Variants in RIF1 observed in about 807,000 individuals in gnomAD.
RIF1 encodes replication timing regulatory factor 1, also known as telomere-associated protein RIF1.
A neutral mutation model predicts 247.1 loss-of-function variants in RIF1; 45 were observed. The ratio of observed to expected loss-of-function variants is 0.18; its 90% confidence interval spans 0.14 to 0.23. RIF1 has a LOEUF of 0.23. Ranked by LOEUF, RIF1 falls within the 10% of genes least tolerant of loss-of-function variation. RIF1 has a pLI of 1.00. For missense variants in RIF1, 2,967 were observed against 2,862.5 expected (o/e 1.04, Z -0.83); for synonymous variants, 1,087 against 978.8 (o/e 1.11, Z -2.06).
intron 11 of RIF1, 84 bp from the exon 12 acceptor site, chr2:151,436,743 T>G: frequency 1.0e-6 from 1 of 993,920 alleles, no homozygotes; most frequent in Non-Finnish European, 1.4e-6. Context: ...TTTTAAAAGT[T>G]TCATTGAAAT....
In RIF1 at chr2:151,440,746, A is replaced by C. The variant is rs201018199; in HGVS notation, c.1647+619A>C. On this transcript the variant is annotated intron_variant, in intron 15 of 35. Coordinates refer to ENST00000444746, the MANE Select transcript of RIF1 (RefSeq NM_018151.5). Reference sequence around the variant, plus strand: ...TACTAGGTTGAATACCAGCCTAACTATTCATTAGCTGAGTAAATTTGTGCA... The same window carrying C: ...TACTAGGTTGAATACCAGCCTAACTCTTCATTAGCTGAGTAAATTTGTGCA... Among the ~76,000 whole-genome samples, 21 of 152,314 alleles carry C rather than the reference A, an allele frequency of 1.4e-4. No individual in the cohort carries two copies. In the East Asian group the frequency reaches 4.0e-3, roughly 29 times the overall value.
intron 12 of RIF1, chr2:151,505,632 A>T (rs2068194495): frequency 7.5e-7 from 1 of 1,340,002 alleles, no homozygotes; most frequent in Non-Finnish European, 1.1e-6. Context: ...ATTCTTCCCA[A>T]CATGTACATG....
chr2:151,524,322 G>C, the RIF1 span: 1 of 1,613,768 alleles, frequency 6.2e-7, no homozygotes. Flanking sequence ...TGGCTGCTCA[G>C]CTTGGCTGCC....
At chr2:151,433,832 C>T (rs1690635744) in intron 10 of RIF1, among the ~76,000 whole-genome samples, 2 of 152,018 alleles carry the variant, frequency 1.3e-5, no homozygotes, top group South Asian at 4.1e-4. Flanking sequence ...AGGGTTTTTT[C>T]CCCTAGAGCA....
In RIF1 at chr2:151,476,063, A is replaced by G. The variant is rs565025660; in HGVS notation, c.*992A>G. The G allele has an allele frequency of 2.0e-5, 3 of 152,358 alleles. No individual in the cohort carries two copies. The highest frequency in any genetic ancestry group is 7.2e-5 in the African/African-American group (3 of 41,580). 9.4% of individuals were successfully genotyped at this position (152,358 alleles called of 1,614,324 possible). ...ATCCAGAATAAGTAAAATTATAGAA[A>G]TAAGAAAATGTTACACAACTTTGCT... is the stretch of plus-strand genomic sequence containing the variant. On this transcript the variant is annotated 3_prime_UTR_variant, in exon 36 of 36. Coordinates refer to ENST00000444746, the MANE Select transcript of RIF1 (RefSeq NM_018151.5).
At chr2:151,449,844 C>CTTTTTTTTTT (rs11405455) in intron 20 of RIF1, among the ~76,000 whole-genome samples, 1 of 137,162 alleles carries the variant, frequency 7.3e-6, no homozygotes, top group Non-Finnish European at 1.6e-5. Context: ...ACTTTGATGC[C>CTTTTTTTTTT]TTTTTTTTTT....
chr2:151,457,026 G>A (rs183821959), intron 23 of RIF1, among the ~76,000 whole-genome samples: 3 of 151,938 alleles, frequency 2.0e-5, no homozygotes, highest in Non-Finnish European at 2.9e-5. Context: ...GAGCCAACAC[G>A]CTTGTCCTGT....
chr2:151,421,643 C>G (rs1489959324), intron 7 of RIF1, among the ~76,000 whole-genome samples: 1 of 151,802 alleles, frequency 6.6e-6, no homozygotes, highest in African/African-American at 2.4e-5. Context: ...CTCCTGGGCT[C>G]AAGCAATCCT....
In RIF1 at chr2:151,409,968, C is replaced by T. The variant is rs1465140722; in HGVS notation, c.-76C>T. On this transcript the variant is annotated 5_prime_UTR_variant, in exon 1 of 36. Coordinates refer to ENST00000444746, the MANE Select transcript of RIF1 (RefSeq NM_018151.5). Reference sequence around the variant, plus strand: ...AGTAAACAGCCGGAGCTGGGAAAGTCGAGCTCTGGCAGCGTCTGGGTGCTG... The same window carrying T: ...AGTAAACAGCCGGAGCTGGGAAAGTTGAGCTCTGGCAGCGTCTGGGTGCTG... 3 of 701,898 alleles carry T rather than the reference C, an allele frequency of 4.3e-6. No individual in the cohort carries two copies. Among genetic ancestry groups the T allele is most frequent in the Admixed American group, 4.0e-5 (2 of 49,974 alleles). 43.5% of individuals were successfully genotyped at this position (701,898 alleles called of 1,614,324 possible).
chr2:151,469,666 A>G, intron 33 of RIF1, 45 bp from the exon 34 acceptor site: 1 of 1,371,788 alleles, frequency 7.3e-7, no homozygotes, highest in South Asian at 1.7e-5. Flanking sequence ...AATAGCATAT[A>G]AATAAAACTA....
intron 10 of RIF1, chr2:151,495,335 T>A (rs1298810654): frequency 2.0e-5 from 3 of 152,222 alleles, no homozygotes; most frequent in Non-Finnish European, 4.4e-5. Flanking sequence ...AGGTCAGTAA[T>A]GAGAACTTGT....
rs993190776 is a variant in RIF1, at chr2:151,414,874, C to G, written c.235C>G (p.Leu79Val). Residue 79 changes from leucine to valine, a missense_variant, in exon 4 of 36, where the codon CTG becomes GTG. Coordinates refer to ENST00000444746, the MANE Select transcript of RIF1 (RefSeq NM_018151.5). ...GCTGAGTAGTGCTGCTCTACAAGCC[C>G]TGGGGTTTTGCTTATATAATCCCAA... ...SELSSAALQA[L>V]GFCLYNPKIT... The G allele has an allele frequency of 6.2e-7, 1 of 1,613,306 alleles. No homozygotes were observed. Among genetic ancestry groups the G allele is most frequent in the Non-Finnish European group, 8.5e-7 (1 of 1,179,756 alleles).
chr2:151,436,722 TTAAA>T (rs1428024752), intron 11 of RIF1, 101 bp from the exon 12 acceptor site: 1 of 848,858 alleles, frequency 1.2e-6, no homozygotes, highest in Non-Finnish European at 1.8e-6. Flanking sequence ...CCTGAGACAT[TTAAA>T]CTCTGTTTTT....
At chr2:151,529,557 TTCTC>T in the RIF1 span, among the ~76,000 whole-genome samples, 26 of 151,128 alleles carry the variant, frequency 1.7e-4, no homozygotes, top group Middle Eastern at 3.4e-3. Context: ...TTTTAACAGA[TTCTC>T]TCTCTGTCAC....
chr2:151,419,017 A>G (rs888744829), intron 6 of RIF1, among the ~76,000 whole-genome samples: 1 of 146,508 alleles, frequency 6.8e-6, no homozygotes, highest in Non-Finnish European at 1.5e-5. Context: ...TTGGTTAGCA[A>G]CATAACACAT....
At chr2:151,458,685 C>A in intron 24 of RIF1, 126 bp from the exon 25 acceptor site, 1 of 463,674 alleles carries the variant, frequency 2.2e-6, no homozygotes, top group Non-Finnish European at 3.8e-6. Flanking sequence ...TAGTAAGGAA[C>A]AGTCTTTATT....
Position 151,479,988 on chromosome 2 carries a change from A to G in RIF1, c.*4917A>G, listed in dbSNP as rs1391105448. 1.3e-5 allele frequency: 2 copies of G among 152,190 alleles called. No homozygotes were observed. The highest frequency in any genetic ancestry group is 2.9e-5 in the Non-Finnish European group (2 of 68,014). The allele number at this position is 152,190 out of a possible 1,614,324, so 9.4% of individuals were successfully genotyped here. A position where few individuals can be genotyped will look rare whatever the true frequency, so the allele number is the denominator to read the frequency against. ...GTAAGTCATTGAAGTTTGAAGATCT[A>G]TAAATATTTAATATAGTAGTCTAAA... On this transcript the variant is annotated 3_prime_UTR_variant, in exon 36 of 36. Transcript: ENST00000444746.
At chr2:151,435,707 G>A in intron 11 of RIF1, 127 bp downstream of exon 11, 1 of 566,628 alleles carries the variant, frequency 1.8e-6, no homozygotes. Context: ...TTGAAATGAA[G>A]CACTTCATAA....
chr2:151,454,551 G>A (rs1694885044), intron 21 of RIF1, among the ~76,000 whole-genome samples: 1 of 151,950 alleles, frequency 6.6e-6, no homozygotes, highest in African/African-American at 2.4e-5. Context: ...ATGTAATTTG[G>A]TACTTTCTTG....
Sources: allele counts gnomAD v4.1 joint callset (sites outside exome capture counted in the v4.1 genomes callset), GRCh38; gene constraint gnomAD v4.1.1; transcripts MANE v1.5; gene names NCBI Gene and HGNC (gene_info 2026-07-23, HGNC 2026-07-21).